EIF3A: variants seen among roughly 807,000 people sequenced by gnomAD.
The protein encoded by EIF3A is eukaryotic translation initiation factor 3 subunit A, also known as EIF3, p180 subunit.
A neutral mutation model predicts 186.6 loss-of-function variants in EIF3A; 21 were observed. That is an observed-to-expected ratio of 0.11 (90% CI 0.08 to 0.16). The LOEUF is 0.16. EIF3A is among the 10% of genes least tolerant of loss of function. The pLI, the probability that EIF3A is intolerant of heterozygous loss-of-function variation, is 1.00. For synonymous variants in EIF3A, 563 were observed against 584.3 expected, an observed-to-expected ratio of 0.96 and a Z score of 0.52; for missense variants, 1,306 against 1,796.3, an observed-to-expected ratio of 0.73 and a Z score of 4.93.
At chr10:119,041,879 G>C in intron 19 of EIF3A, 115 bp downstream of exon 19, 7 of 1,147,598 alleles carry the variant, frequency 6.1e-6, no homozygotes, top group Non-Finnish European at 8.6e-6. Context: ...GATACTGAAG[G>C]AAAGATGAAA....
chr10:119,047,662 A>C (rs1335443082), intron 17 of EIF3A, among the ~76,000 whole-genome samples: 1 of 152,222 alleles, frequency 6.6e-6, no homozygotes, highest in African/African-American at 2.4e-5. Context: ...ATGCACACAC[A>C]CAACTTTGTG....
chr10:119,040,653 T>G (rs187539257), intron 19 of EIF3A, among the ~76,000 whole-genome samples: 32 of 151,850 alleles, frequency 2.1e-4, no homozygotes, highest in African/African-American at 7.5e-4. Context: ...GGTGGATCAC[T>G]TGAGGTCAGG....
intron 4 of EIF3A, among the ~76,000 whole-genome samples, chr10:119,072,119 G>T (rs1844084491): frequency 6.7e-6 from 1 of 148,428 alleles, no homozygotes; most frequent in African/African-American, 2.5e-5. Flanking sequence ...GGAGGCTGAA[G>T]CAAGAGGATC....
In EIF3A at chr10:119,042,445, G is replaced by C; in HGVS notation, c.3075C>G (p.Asp1025Glu). The C allele has an allele frequency of 6.2e-7, 1 of 1,614,068 alleles. No individual in the cohort carries two copies. Among genetic ancestry groups the C allele is most frequent in the Non-Finnish European group, 8.5e-7 (1 of 1,180,014 alleles). Reference protein sequence around the residue: ...DRPPRRGLDEDRGSWRTADED... With the variant: ...DRPPRRGLDEERGSWRTADED... The stretch of plus-strand genomic sequence containing the variant: ...CATCAGCTGTTCGCCAGCTTCCTCT[G>C]TCCTCATCCAGTCCTCGTCTAGGTG... The change falls in exon 19 of 22, where the codon GAC (aspartate) becomes GAG (glutamate). Residue 1025 changes from aspartate to glutamate, a missense_variant. By Grantham distance (45) the Asp-to-Glu change is conservative. Coordinates refer to ENST00000369144, the MANE Select transcript of EIF3A (RefSeq NM_003750.4). The surrounding 1 kb of genome is among the most constrained non-coding windows in gnomAD (Gnocchi z 7.8).
At position 119,049,871 on chromosome 10, in the gene EIF3A, A is replaced by G; in HGVS notation, c.2588T>C (p.Leu863Ser). 1 of 1,614,058 alleles carries G rather than the reference A, an allele frequency of 6.2e-7. No homozygotes were observed. The highest frequency in any genetic ancestry group is 8.5e-7 in the Non-Finnish European group (1 of 1,180,004). ...ACGCCGTTCTCGTTCTTCAATTTCC[A>G]ACTCCCTTTGGCGTTTTTTCCTTTC... ...EVERKKRQRE[L>S]EIEERERRRE... The change falls in exon 17 of 22, where the codon TTG (leucine) becomes TCG (serine). Residue 863 changes from leucine (L) to serine (S), a missense_variant. This residue lies in a region of EIF3A where 410 missense variants were observed against 473.5 expected (regional missense o/e 0.87). Coordinates refer to ENST00000369144, the MANE Select transcript of EIF3A (RefSeq NM_003750.4).
rs768364382 is a variant in EIF3A at position 119,073,584 on chromosome 10, C to CA, written c.241-8dup. Reference sequence around the variant, plus strand: ...CCAGAGATTTTATGTTCACCTAATCCAAAAAAACAAAAACTCTTCAGAACT... The same window carrying CA: ...CCAGAGATTTTATGTTCACCTAATCCAAAAAAAACAAAAACTCTTCAGAACT... On this transcript the variant is annotated splice_polypyrimidine_tract_variant and splice_region_variant and intron_variant, in intron 2 of 21. Coordinates refer to ENST00000369144, the MANE Select transcript of EIF3A (RefSeq NM_003750.4). 2.5e-6 allele frequency: 4 copies of CA among 1,602,580 alleles called. No individual in the cohort carries two copies. The highest frequency in any genetic ancestry group is 2.7e-5 in the African/African-American group (2 of 73,836).
rs554219927 is a variant in EIF3A at position 119,065,478 on chromosome 10, A to G, written c.1043T>C (p.Ile348Thr). ...IARLLDMDGI[I>T]VEKQRRLATL... is the part of the protein sequence containing the mutation. ...TGCAAGGCGACGCTGTTTTTCAACTATAATGCCATCCATATCCAGAAGTCG... is the reference window on the plus strand; with the variant it reads ...TGCAAGGCGACGCTGTTTTTCAACTGTAATGCCATCCATATCCAGAAGTCG... Residue 348 changes from isoleucine (I) to threonine (T), a missense_variant, in exon 7 of 22, where the codon ATA becomes ACA. By Grantham distance (89) the Ile-to-Thr change is moderately conservative (BLOSUM62 -1). Transcript: ENST00000369144. 6 of 1,613,474 alleles carry G rather than the reference A, an allele frequency of 3.7e-6. No individual in the cohort carries two copies. The highest frequency in any genetic ancestry group is 5.1e-6 in the Non-Finnish European group (6 of 1,179,490).
intron 12 of EIF3A, among the ~76,000 whole-genome samples, chr10:119,057,242 A>C (rs4752244): frequency 0.99 from 150,358 of 152,256 alleles, 74,268 homozygotes; most frequent in Middle Eastern, 1. Flanking sequence ...TTTTCTCACT[A>C]CTCCAACCTA....
At position 119,036,251 on chromosome 10, in the gene EIF3A, C is replaced by A. The variant is rs1848128329; in HGVS notation, c.3937G>T (p.Ala1313Ser). The A allele has an allele frequency of 1.2e-6, 2 of 1,612,932 alleles. No homozygotes were observed. Among genetic ancestry groups the A allele is most frequent in the Admixed American group, 3.3e-5 (2 of 59,900 alleles). ...ACCCGGTCATCTTTCCTGTCATCAG[C>A]ACGTCTCCAAGAACTTACTAAAAAG... ...EREEVSSWRR[A>S]DDRKDDRVEE... Residue 1313 changes from alanine to serine, a missense_variant, in exon 22 of 22, where the codon GCT (alanine) becomes TCT (serine). Around this residue, in one of 8 missense-constraint regions of EIF3A, gnomAD observed 331 missense variants for 365.8 expected, o/e 0.90. Coordinates refer to ENST00000369144, the MANE Select transcript of EIF3A (RefSeq NM_003750.4).
chr10:119,066,428 G>T (rs1456439515), intron 6 of EIF3A, among the ~76,000 whole-genome samples: 2 of 133,930 alleles, frequency 1.5e-5, no homozygotes, highest in East Asian at 4.8e-4. Flanking sequence ...AGAATCAGTT[G>T]AACCCAGGAG....
chr10:119,044,048 A>G lies in EIF3A; in HGVS notation c.2747+6T>C, dbSNP rs750172120. The stretch of plus-strand genomic sequence containing the variant: ...GAGCGGCATTATTTTCCTCAACTCT[A>G]CTTACTTCTCTGGCGGGCCTCTTCT... On this transcript the variant is annotated splice_donor_region_variant and intron_variant, in intron 18 of 21. Coordinates refer to ENST00000369144, the MANE Select transcript of EIF3A (RefSeq NM_003750.4). The G allele has an allele frequency of 1.2e-5, 20 of 1,605,406 alleles. No individual in the cohort carries two copies. The highest frequency in any genetic ancestry group is 3.3e-5 in the Admixed American group (2 of 59,938).
rs558278066 is a variant in EIF3A, at chr10:119,042,644, C to T, written c.2876G>A (p.Arg959Gln). The T allele has an allele frequency of 2.1e-5, 34 of 1,614,202 alleles. No homozygotes were observed. The Middle Eastern group carries it at 6.6e-4, about 31-fold the overall frequency. ...GCCTCTGTCATCATCCATGCCACGC[C>T]GGGGAACCCGATCATCGTCTGGTCT... is the stretch of plus-strand genomic sequence containing the variant. Reference protein sequence around the residue: ...SLRPDDDRVPRRGMDDDRGPR... With the variant: ...SLRPDDDRVPQRGMDDDRGPR... Residue 959 changes from arginine to glutamine, a missense_variant, in exon 19 of 22, where the codon CGG (arginine) becomes CAG (glutamine). This residue lies in a region of EIF3A where 410 missense variants were observed against 473.5 expected (regional missense o/e 0.87). Transcript: ENST00000369144. The surrounding 1 kb of genome is among the most constrained non-coding windows in gnomAD (Gnocchi z 7.8).
chr10:119,055,065 G>A (rs748295312), intron 14 of EIF3A, among the ~76,000 whole-genome samples: 14 of 152,068 alleles, frequency 9.2e-5, no homozygotes, highest in African/African-American at 1.4e-4. Flanking sequence ...AAAACTAGCC[G>A]GGCATGGTGG....
At chr10:119,065,330 C>G in intron 7 of EIF3A, 69 bp downstream of exon 7, 3 of 1,116,968 alleles carry the variant, frequency 2.7e-6, no homozygotes, top group Non-Finnish European at 4.0e-6. Context: ...AGTATTTAAT[C>G]ATGAGTTATT....
In EIF3A at chr10:119,039,517, C is replaced by T. The variant is rs371143625; in HGVS notation, c.3527-1078G>A. Among the ~76,000 whole-genome samples, 8 of 151,946 alleles carry T rather than the reference C, an allele frequency of 5.3e-5. No homozygotes were observed. The East Asian group carries it at 7.7e-4, about 15-fold the overall frequency. On this transcript the variant is annotated intron_variant, in intron 19 of 21. Transcript: ENST00000369144. ...AAAACCACATCTCTACAAAAAAATA[C>T]AAAAATTAGCTGGGCTTGGTGGTGT... is the stretch of plus-strand genomic sequence containing the variant.
chr10:119,061,041 C>A, intron 8 of EIF3A, 183 bp downstream of exon 8: 2 of 577,954 alleles, frequency 3.5e-6, no homozygotes, highest in South Asian at 2.4e-5. Context: ...AATTAACCTC[C>A]AAAGGTTTGC....
At chr10:119,070,488 A>T (rs1467625674) in intron 5 of EIF3A, among the ~76,000 whole-genome samples, 1 of 152,254 alleles carries the variant, frequency 6.6e-6, no homozygotes, top group East Asian at 1.9e-4. Context: ...ACTTTTTATC[A>T]GAGTAAAAAC....
chr10:119,072,921 T>A lies in EIF3A; in HGVS notation c.510A>T (p.Val170=). 6.2e-7 allele frequency: 1 copy of A among 1,613,948 alleles called. No homozygotes were observed. The highest frequency in any genetic ancestry group is 8.5e-7 in the Non-Finnish European group (1 of 1,179,980). ...GGGCAATATCATGGTACAGGCGCTC[T>A]ACTCTAGAATTGTTTCTAAGAAGGT... The part of the protein sequence containing the change: ...CLDLLRNNSR[V]ERLYHDIAQQ... Residue 170 remains valine, a synonymous_variant, in exon 4 of 22, where the codon GTA becomes GTT. Transcript: ENST00000369144.
At chr10:119,043,533 A>C (rs1251071795) in intron 18 of EIF3A, among the ~76,000 whole-genome samples, 3 of 151,188 alleles carry the variant, frequency 2.0e-5, no homozygotes, top group African/African-American at 7.3e-5. Flanking sequence ...AGGATCACCT[A>C]AGCCCAGGGA....
Sources: allele counts gnomAD v4.1 joint callset (sites outside exome capture counted in the v4.1 genomes callset), GRCh38; gene constraint gnomAD v4.1.1; regional missense constraint gnomAD v4.1.1; non-coding constraint Gnocchi (gnomAD v3.1); transcripts MANE v1.5; gene names NCBI Gene and HGNC (gene_info 2026-07-23, HGNC 2026-07-21).